The following WIPI2 variants were observed in gnomAD, a reference collection of about 807,000 sequenced individuals.
The protein encoded by WIPI2 is WD repeat domain, phosphoinositide interacting 2, also known as WD repeat domain phosphoinositide-interacting protein 2.
WIPI2 carries 28 observed loss-of-function variants against 52.3 expected under a neutral mutation model. That is an observed-to-expected ratio of 0.54 (90% CI 0.40 to 0.73). The LOEUF (loss-of-function observed/expected upper bound fraction) is 0.73. Ranked by LOEUF, WIPI2 falls within the 30% of genes least tolerant of loss-of-function variation. The pLI is 0.00. For synonymous variants in WIPI2, 268 were observed against 245.0 expected, an observed-to-expected ratio of 1.09 and a Z score of -0.88; for missense variants, 506 against 602.9, an observed-to-expected ratio of 0.84 and a Z score of 1.68.
chr7:5,203,625 C>CTTTTTTTTTTTTTTT (rs10709311), intron 3 of WIPI2, among the ~76,000 whole-genome samples: 1 of 66,394 alleles, frequency 1.5e-5, no homozygotes, highest in Non-Finnish European at 2.8e-5. Flanking sequence ...TACGTTCAGC[C>CTTTTTTTTTTTTTTT]TTTTTTTTTT....
intron 7 of WIPI2, among the ~76,000 whole-genome samples, chr7:5,219,839 T>G (rs1439192858): frequency 2.0e-5 from 3 of 152,130 alleles, no homozygotes; most frequent in South Asian, 2.1e-4. Flanking sequence ...GTACCAGTTT[T>G]TTTTTTTTTT....
At chr7:5,195,307 G>A (rs73046149) in intron 2 of WIPI2, among the ~76,000 whole-genome samples, 8,190 of 150,190 alleles carry the variant, frequency 0.055, 259 homozygotes, top group South Asian at 0.058. Flanking sequence ...GGCAACACAG[G>A]GAGACCTCGA....
intron 9 of WIPI2, 94 bp downstream of exon 9, chr7:5,226,024 C>T (rs948909574): frequency 2.4e-6 from 3 of 1,249,390 alleles, no homozygotes; most frequent in African/African-American, 3.0e-5. Context: ...CCCGCCCACC[C>T]TCTGACATCG....
rs181718581 is a variant in WIPI2 at position 5,230,054 on chromosome 7, T to C, written c.1252+316T>C. ...TCCCACAGTGCTGGGATTATAGGCA[T>C]GAGCCACCGTACCAGGCTCATTTTC... On this transcript the variant is annotated intron_variant, in intron 12 of 12. Coordinates refer to ENST00000288828, the MANE Select transcript of WIPI2 (RefSeq NM_015610.4). The surrounding 1 kb of genome is among the most constrained non-coding windows in gnomAD (Gnocchi z 4.8). Among the ~76,000 whole-genome samples, 14 of 152,010 alleles carry C rather than the reference T, an allele frequency of 9.2e-5. No individual in the cohort carries two copies. The East Asian group carries it at 2.5e-3, about 27-fold the overall frequency.
intron 4 of WIPI2, among the ~76,000 whole-genome samples, chr7:5,214,930 A>G (rs1419973356): frequency 1.3e-5 from 2 of 152,198 alleles, no homozygotes; most frequent in African/African-American, 2.4e-5. Context: ...CACTGCTCCC[A>G]TACAGGCGTC....
At chr7:5,229,773 G>T (rs776533228) in intron 12 of WIPI2, 35 bp downstream of exon 12, 1 of 1,611,244 alleles carries the variant, frequency 6.2e-7, no homozygotes, top group South Asian at 1.1e-5. Context: ...AAGGTAATTA[G>T]CCCCACAGCC....
chr7:5,220,832 A>G (rs1783084938), intron 7 of WIPI2, among the ~76,000 whole-genome samples: 1 of 151,676 alleles, frequency 6.6e-6, no homozygotes, highest in Non-Finnish European at 1.5e-5. Flanking sequence ...GTCTCTCTGT[A>G]GCCCAAGCTG....
At chr7:5,229,201 G>A (rs1347010285) in intron 11 of WIPI2, among the ~76,000 whole-genome samples, 1 of 152,168 alleles carries the variant, frequency 6.6e-6, no homozygotes, top group Non-Finnish European at 1.5e-5. Flanking sequence ...ATTTTTAGTA[G>A]AGACGGGGTT....
At chr7:5,192,633 C>G (rs1014114404) in intron 1 of WIPI2, among the ~76,000 whole-genome samples, 1 of 152,180 alleles carries the variant, frequency 6.6e-6, no homozygotes. Context: ...CCAGAGAGAC[C>G]TTGATGTAGT....
At chr7:5,224,858 C>T (rs1035925786) in intron 8 of WIPI2, among the ~76,000 whole-genome samples, 6 of 152,182 alleles carry the variant, frequency 3.9e-5, no homozygotes, top group African/African-American at 1.4e-4. Context: ...AGCTAGATCT[C>T]GTTCACCGTC....
intron 2 of WIPI2, among the ~76,000 whole-genome samples, chr7:5,197,933 T>C (rs1453737414): frequency 6.6e-6 from 1 of 152,230 alleles, no homozygotes; most frequent in African/African-American, 2.4e-5. Flanking sequence ...TTGTTTTGCT[T>C]TCTTTGGTCA....
At chr7:5,208,932 T>C (rs920162670) in intron 3 of WIPI2, among the ~76,000 whole-genome samples, 9 of 152,244 alleles carry the variant, frequency 5.9e-5, no homozygotes, top group African/African-American at 2.2e-4. Context: ...GTTGATACGT[T>C]AATAATATTG....
intron 3 of WIPI2, among the ~76,000 whole-genome samples, chr7:5,204,383 C>T (rs1204381746): frequency 6.6e-6 from 1 of 152,158 alleles, no homozygotes; most frequent in Non-Finnish European, 1.5e-5. Flanking sequence ...AGGAGAATCA[C>T]TTGGACCCGG....
intron 11 of WIPI2, among the ~76,000 whole-genome samples, chr7:5,228,504 G>C (rs1400131079): frequency 6.6e-6 from 1 of 152,222 alleles, no homozygotes; most frequent in Non-Finnish European, 1.5e-5. Context: ...TGGGGGAGAG[G>C]TGCTGGGAGG....
At chr7:5,190,612 C>A in intron 1 of WIPI2, 119 bp downstream of exon 1, 1 of 1,015,248 alleles carries the variant, frequency 9.8e-7, no homozygotes, top group Non-Finnish European at 1.3e-6. Flanking sequence ...CGGGCCAAGG[C>A]GCGCAGAGGC....
chr7:5,215,312 A>T (rs78924497), intron 4 of WIPI2, among the ~76,000 whole-genome samples: 2 of 150,352 alleles, frequency 1.3e-5, no homozygotes, highest in African/African-American at 4.9e-5. Context: ...ACTTCGTCTC[A>T]AAAAAAAAAC....
chr7:5,192,511 T>G (rs1399966341), intron 1 of WIPI2, among the ~76,000 whole-genome samples: 2 of 152,218 alleles, frequency 1.3e-5, no homozygotes, highest in African/African-American at 4.8e-5. Context: ...TGGCCTGAAA[T>G]AGGACCTTTT....
In WIPI2 at chr7:5,220,941, G is replaced by C. The variant is rs559301024; in HGVS notation, c.670-1661G>C. Reference sequence around the variant, plus strand: ...CCCAACTAGCTGGGACTACAGGTGCGTGCCACCACACCCACCTAATTTTTT... The same window carrying C: ...CCCAACTAGCTGGGACTACAGGTGCCTGCCACCACACCCACCTAATTTTTT... On this transcript the variant is annotated intron_variant, in intron 7 of 12. Transcript: ENST00000288828. 4.3e-4 allele frequency among the ~76,000 whole-genome samples: 65 copies of C among 149,588 alleles called. No homozygotes were observed. In the South Asian group the frequency reaches 0.012, roughly 28 times the overall value.
At chr7:5,202,472 C>T (rs758970531) in intron 3 of WIPI2, among the ~76,000 whole-genome samples, 8 of 152,112 alleles carry the variant, frequency 5.3e-5, no homozygotes, top group Non-Finnish European at 7.3e-5. Flanking sequence ...TACCCTTGAC[C>T]TCCTGGGCTC....
Sources: allele counts gnomAD v4.1 joint callset (sites outside exome capture counted in the v4.1 genomes callset), GRCh38; gene constraint gnomAD v4.1.1; non-coding constraint Gnocchi (gnomAD v3.1); transcripts MANE v1.5; gene names NCBI Gene and HGNC (gene_info 2026-07-23, HGNC 2026-07-21).